EIF4G3: variants seen among roughly 807,000 people sequenced by gnomAD.
EIF4G3 encodes eukaryotic translation initiation factor 4 gamma 3.
In EIF4G3, 34 loss-of-function variants were observed where a neutral mutation model predicts 186.4. That is an observed-to-expected ratio of 0.18 (90% CI 0.14 to 0.24). The LOEUF is 0.24. Ranked by LOEUF, EIF4G3 falls within the 10% of genes least tolerant of loss-of-function variation. The pLI, the probability that EIF4G3 is intolerant of heterozygous loss-of-function variation, is 1.00. For missense variants in EIF4G3, 1,536 were observed against 1,948.5 expected, an observed-to-expected ratio of 0.79 and a Z score of 3.99; for synonymous variants, 673 against 679.5, an observed-to-expected ratio of 0.99 and a Z score of 0.15.
In EIF4G3 at chr1:20,941,982, A is replaced by G. The variant is rs146369921; in HGVS notation, c.1172T>C (p.Ile391Thr). The G allele has an allele frequency of 1.2e-6, 2 of 1,614,148 alleles. No individual in the cohort carries two copies. Among genetic ancestry groups the G allele is most frequent in the East Asian group, 2.2e-5 (1 of 44,884 alleles). Residue 391 changes from isoleucine (I) to threonine (T), a missense_variant, in exon 14 of 37, where the codon ATA (isoleucine) becomes ACA (threonine). Transcript: ENST00000602326. ...PLPTNENDDD[I>T]CKKPCSVAPN... ...TGCTACACTACAGGGTTTCTTGCATATATCATCATCATTTTCATTTGTTGG... is the reference window on the plus strand; with the variant it reads ...TGCTACACTACAGGGTTTCTTGCATGTATCATCATCATTTTCATTTGTTGG...
At chr1:20,932,139 A>C (rs550400118) in intron 14 of EIF4G3, among the ~76,000 whole-genome samples, 6 of 152,072 alleles carry the variant, frequency 3.9e-5, no homozygotes, top group Non-Finnish European at 7.4e-5. Flanking sequence ...TTATGATGAC[A>C]TCTTTCCTCA....
At chr1:21,130,841 A>G (rs1386639642) in intron 2 of EIF4G3, among the ~76,000 whole-genome samples, 1 of 152,216 alleles carries the variant, frequency 6.6e-6, no homozygotes, top group Non-Finnish European at 1.5e-5. Context: ...TTCAGGAAGA[A>G]AAATTATTTT....
intron 14 of EIF4G3, among the ~76,000 whole-genome samples, chr1:20,918,199 C>T (rs1572795334): frequency 1.3e-5 from 2 of 152,050 alleles, no homozygotes; most frequent in South Asian, 4.2e-4. Context: ...ATAATCACAA[C>T]CCTATATACA....
chr1:20,861,272 G>C (rs1036203303), intron 23 of EIF4G3, among the ~76,000 whole-genome samples: 1 of 152,172 alleles, frequency 6.6e-6, no homozygotes, highest in Non-Finnish European at 1.5e-5. Context: ...GCTTGATGTA[G>C]TATATTCCCT....
intron 2 of EIF4G3, among the ~76,000 whole-genome samples, chr1:21,116,535 C>T (rs981593316): frequency 6.6e-6 from 1 of 151,930 alleles, no homozygotes; most frequent in African/African-American, 2.4e-5. Flanking sequence ...TCCAAAATCT[C>T]GTTTAAAATA....
At chr1:20,926,005 T>C (rs565284071) in intron 14 of EIF4G3, among the ~76,000 whole-genome samples, 4 of 152,220 alleles carry the variant, frequency 2.6e-5, no homozygotes, top group Non-Finnish European at 5.9e-5. Context: ...TGACTTTGTA[T>C]CCCTTGTTAT....
chr1:20,937,356 G>C (rs1359136268), intron 14 of EIF4G3, among the ~76,000 whole-genome samples: 2 of 152,302 alleles, frequency 1.3e-5, no homozygotes, highest in South Asian at 2.1e-4. Context: ...ATTAAACCCA[G>C]ATTTAGTTCT....
At chr1:21,152,413 T>C (rs997058541) in intron 2 of EIF4G3, among the ~76,000 whole-genome samples, 12 of 151,244 alleles carry the variant, frequency 7.9e-5, no homozygotes, top group African/African-American at 2.9e-4. Flanking sequence ...AACTACTTTT[T>C]GTTACGTACT....
intron 3 of EIF4G3, among the ~76,000 whole-genome samples, chr1:21,066,237 G>C (rs1049050405): frequency 6.6e-6 from 1 of 151,414 alleles, no homozygotes; most frequent in Admixed American, 6.6e-5. Flanking sequence ...ATGGCGGGAG[G>C]GGGAGGGATG....
intron 3 of EIF4G3, among the ~76,000 whole-genome samples, chr1:21,067,314 G>A (rs12078240): frequency 6.6e-6 from 1 of 151,826 alleles, no homozygotes; most frequent in Non-Finnish European, 1.5e-5. Flanking sequence ...TGTATTTTTA[G>A]TAGAGACGGG....
intron 14 of EIF4G3, among the ~76,000 whole-genome samples, chr1:20,916,694 T>A (rs1390718424): frequency 6.6e-6 from 1 of 152,170 alleles, no homozygotes; most frequent in Non-Finnish European, 1.5e-5. Context: ...GGCTTAATAC[T>A]CGGATTTTAA....
At position 20,817,282 on chromosome 1, in the gene EIF4G3, A is replaced by AAT. The variant is rs1311692970; in HGVS notation, c.4515+109_4515+110insAT. 8 of 379,392 alleles carry AAT rather than the reference A, an allele frequency of 2.1e-5. No homozygotes were observed. In the East Asian group the frequency reaches 2.8e-4, roughly 13 times the overall value. The allele number at this position is 379,392 out of a possible 1,614,324, so 23.5% of individuals were successfully genotyped here. ...TAAATAAAAAAATAAATAAATAAAA[A>AAT]AAAATAAAAATAAAAATTCATGAAG... is the stretch of plus-strand genomic sequence containing the variant. On this transcript the variant is annotated intron_variant, in intron 34 of 36. Coordinates refer to ENST00000602326, the MANE Select transcript of EIF4G3 (RefSeq NM_001391906.1).
At chr1:20,833,745 TCAA>T (rs1319397724) in intron 30 of EIF4G3, among the ~76,000 whole-genome samples, 1 of 152,104 alleles carries the variant, frequency 6.6e-6, no homozygotes, top group Admixed American at 6.6e-5. Flanking sequence ...TTGACAAAAT[TCAA>T]CAACGCTTCA....
chr1:20,854,536 A>T (rs2154550909), intron 26 of EIF4G3, among the ~76,000 whole-genome samples: 1 of 127,238 alleles, frequency 7.9e-6, no homozygotes, highest in Middle Eastern at 4.1e-3. Context: ...TCTACAAAAA[A>T]TTAAAAAAAA....
At chr1:21,036,474 G>A (rs2093209205) in intron 4 of EIF4G3, among the ~76,000 whole-genome samples, 1 of 152,144 alleles carries the variant, frequency 6.6e-6, no homozygotes, top group Non-Finnish European at 1.5e-5. Flanking sequence ...AAAAAAAAGA[G>A]CATGAATCAT....
intron 30 of EIF4G3, among the ~76,000 whole-genome samples, chr1:20,834,872 T>C (rs190670034): frequency 7.4e-4 from 113 of 152,284 alleles, no homozygotes; most frequent in African/African-American, 2.4e-3. Flanking sequence ...AATTATACTT[T>C]AAACCAAACA....
chr1:21,094,805 A>ATAAAAG (rs55725003), intron 2 of EIF4G3, among the ~76,000 whole-genome samples: 1 of 148,554 alleles, frequency 6.7e-6, no homozygotes, highest in Non-Finnish European at 1.5e-5. Context: ...AATAATAATA[A>ATAAAAG]AAGCCAGGAT....
At position 21,124,802 on chromosome 1, in the gene EIF4G3, A is replaced by G. The variant is rs181575608; in HGVS notation, c.-271-35589T>C. 1.3e-3 allele frequency among the ~76,000 whole-genome samples: 194 copies of G among 152,366 alleles called. 1 individual carries two copies. Among genetic ancestry groups the G allele is most frequent in the African/African-American group, 4.5e-3 (188 of 41,590 alleles). Reference sequence around the variant, plus strand: ...GAGAATAACCATTTTAAACCAGTCAAGTTAAAGAACTTCATTTTTGTGAAA... The same window carrying G: ...GAGAATAACCATTTTAAACCAGTCAGGTTAAAGAACTTCATTTTTGTGAAA... On this transcript the variant is annotated intron_variant, in intron 2 of 36. Coordinates refer to ENST00000602326, the MANE Select transcript of EIF4G3 (RefSeq NM_001391906.1).
intron 14 of EIF4G3, among the ~76,000 whole-genome samples, chr1:20,933,220 C>T (rs143729574): frequency 7.2e-5 from 11 of 152,268 alleles, no homozygotes; most frequent in South Asian, 2.1e-4. Flanking sequence ...AAGATGATTT[C>T]GGCCACTTGG....
Sources: allele counts gnomAD v4.1 joint callset (sites outside exome capture counted in the v4.1 genomes callset), GRCh38; gene constraint gnomAD v4.1.1; transcripts MANE v1.5; gene names NCBI Gene and HGNC (gene_info 2026-07-23, HGNC 2026-07-21).